FBXL16: variants seen among roughly 807,000 people sequenced by gnomAD.
FBXL16 encodes the protein F-box/LRR-repeat protein 16.
Under a neutral mutation model 36.7 loss-of-function variants are expected in FBXL16, and 7 were observed. The ratio of observed to expected loss-of-function variants is 0.19; its 90% CI spans 0.11 to 0.36. FBXL16 has a LOEUF of 0.36. Among genes scored for constraint, FBXL16 ranks in the 10% least tolerant of loss-of-function variants. The pLI is 1.00. For synonymous variants in FBXL16, 355 were observed against 308.7 expected (o/e 1.15, Z -1.57); for missense variants, 463 against 659.4 (o/e 0.70, Z 3.26).
chr16:698,858 G>A (rs1263677182), intron 1 of FBXL16, among the ~76,000 whole-genome samples: 6 of 134,188 alleles, frequency 4.5e-5, no homozygotes, highest in South Asian at 2.3e-4. Context: ...AGGTTGCAGC[G>A]AGCCGAGATC....
chr16:694,970 C>A, intron 4 of FBXL16, 22 bp downstream of exon 4: 1 of 1,522,818 alleles, frequency 6.6e-7, no homozygotes, highest in African/African-American at 1.4e-5. Flanking sequence ...ATCCCCCAAT[C>A]CCGGGGCGTG....
chr16:694,966 C>T (rs1463192003), intron 4 of FBXL16, 26 bp downstream of exon 4: 10 of 1,520,116 alleles, frequency 6.6e-6, no homozygotes, highest in South Asian at 1.3e-5. Context: ...GCCGATCCCC[C>T]AATCCCGGGG....
chr16:695,301 C>A (rs1244174318), intron 3 of FBXL16, 114 bp downstream of exon 3: 1 of 1,115,720 alleles, frequency 9.0e-7, no homozygotes, highest in Admixed American at 4.6e-5. Flanking sequence ...CGCCGCGCCA[C>A]AGCCCCAGCC....
chr16:702,517 T>C (rs868738020), intron 1 of FBXL16, among the ~76,000 whole-genome samples: 4 of 152,234 alleles, frequency 2.6e-5, no homozygotes, highest in Middle Eastern at 3.4e-3. Context: ...GCGGAATGAA[T>C]GAATTAGGGA....
rs779297882 is a variant in FBXL16, at chr16:696,928, G to A, written c.478C>T (p.Leu160=). ...AAGCCTCTGGCGGCAAAACCCTGCAGGTTCACGAACTCCTTCTCGCCACCA... is the reference window on the plus strand; with the variant it reads ...AAGCCTCTGGCGGCAAAACCCTGCAAGTTCACGAACTCCTTCTCGCCACCA... ...LPGGEKEFVN[L]QGFAARGFEG... is the part of the protein sequence containing the mutation. The change falls in exon 2 of 6, where the codon CTG becomes TTG. Residue 160 remains leucine (L), a synonymous_variant. Coordinates refer to ENST00000397621, the MANE Select transcript of FBXL16 (RefSeq NM_153350.4). 8 of 1,607,820 alleles carry A rather than the reference G, an allele frequency of 5.0e-6. No homozygotes were observed. In the African/African-American group the frequency reaches 1.1e-4, roughly 22 times the overall value.
At chr16:700,330 G>A (rs1176471342) in intron 1 of FBXL16, among the ~76,000 whole-genome samples, 3 of 152,278 alleles carry the variant, frequency 2.0e-5, no homozygotes, top group Middle Eastern at 3.4e-3. Flanking sequence ...CCTGGAAGGT[G>A]AGGCCGGGCC....
At chr16:702,784 C>A (rs7196356) in intron 1 of FBXL16, among the ~76,000 whole-genome samples, 4,577 of 152,256 alleles carry the variant, frequency 0.03, 197 homozygotes, top group African/African-American at 0.092. Context: ...CTGGGGTGGG[C>A]CTTGCAATAC....
chr16:698,994 G>A (rs2040037208), intron 1 of FBXL16, among the ~76,000 whole-genome samples: 1 of 151,924 alleles, frequency 6.6e-6, no homozygotes, highest in Admixed American at 6.6e-5. Flanking sequence ...TGCAAAGAAA[G>A]GGCGGGCATC....
rs2039988301 is a variant in FBXL16, at chr16:693,767, G to A, written c.*508C>T. ...TATGGTGCGGTGGAAGATGCAGGAA[G>A]CCCGTGGGGCTCTTCTGGGCCCGTG... On this transcript the variant is annotated 3_prime_UTR_variant, in exon 6 of 6. Transcript: ENST00000397621. 1 of 152,856 alleles carries A rather than the reference G, an allele frequency of 6.5e-6. No individual in the cohort carries two copies. Among genetic ancestry groups the A allele is most frequent in the Admixed American group, 6.5e-5 (1 of 15,286 alleles). 9.5% of individuals were successfully genotyped at this position (152,856 alleles called of 1,614,324 possible).
chr16:696,976 T>C lies in FBXL16; in HGVS notation c.430A>G (p.Lys144Glu). ...WAGLTPVLHA[K>E]ELYNVLPGGE... ...CCAGGCAGCACGTTGTAGAGCTCCT[T>C]GGCATGCAGCACCGGCGTGAGGCCT... Residue 144 changes from lysine (K) to glutamate (E), a missense_variant, in exon 2 of 6, where the codon AAG (lysine) becomes GAG (glutamate). Lys to Glu is a moderately conservative substitution (Grantham distance 56). Coordinates refer to ENST00000397621, the MANE Select transcript of FBXL16 (RefSeq NM_153350.4). 2 of 1,597,988 alleles carry C rather than the reference T, an allele frequency of 1.3e-6. No homozygotes were observed. Among genetic ancestry groups the C allele is most frequent in the Non-Finnish European group, 1.7e-6 (2 of 1,173,484 alleles).
chr16:701,343 C>T (rs1285401733), intron 1 of FBXL16, among the ~76,000 whole-genome samples: 1 of 152,192 alleles, frequency 6.6e-6, no homozygotes, highest in African/African-American at 2.4e-5. Flanking sequence ...GCTGCATCCC[C>T]GCACAGGCAG....
chr16:701,551 G>A (rs1037459225), intron 1 of FBXL16, among the ~76,000 whole-genome samples: 1 of 152,234 alleles, frequency 6.6e-6, no homozygotes. Context: ...TGCCCGTTCA[G>A]CGAGAAGTCC....
intron 1 of FBXL16, among the ~76,000 whole-genome samples, chr16:699,319 A>T (rs2040039262): frequency 6.6e-6 from 1 of 152,346 alleles, no homozygotes; most frequent in African/African-American, 2.4e-5. Flanking sequence ...GGCAGGGGGC[A>T]CTGGGCACAG....
At chr16:694,594 G>A (rs2039996071) in intron 5 of FBXL16, 40 bp downstream of exon 5, 1 of 1,582,858 alleles carries the variant, frequency 6.3e-7, no homozygotes, top group African/African-American at 1.3e-5. Flanking sequence ...GTGGGGGTGG[G>A]TGGTCACTGC....
At position 693,156 on chromosome 16, in the gene FBXL16, G is replaced by A. The variant is rs2039983565; in HGVS notation, c.*1119C>T. ...GCCCATTTGGGCAGACAGAAGTTTG[G>A]GAAGCTGGGGAGGGGTGAAGTGGGG... On this transcript the variant is annotated 3_prime_UTR_variant, in exon 6 of 6. Transcript: ENST00000397621. The A allele has an allele frequency of 6.6e-6, 1 of 151,914 alleles. No individual in the cohort carries two copies. The highest frequency in any genetic ancestry group is 2.4e-5 in the African/African-American group (1 of 41,308). 9.4% of individuals were successfully genotyped at this position (151,914 alleles called of 1,614,324 possible).
At chr16:695,393 G>C in intron 3 of FBXL16, 22 bp downstream of exon 3, 1 of 1,495,178 alleles carries the variant, frequency 6.7e-7, no homozygotes, top group Non-Finnish European at 8.9e-7. Context: ...AGCCCCGCCC[G>C]GCGCGGCCCG....
intron 2 of FBXL16, among the ~76,000 whole-genome samples, chr16:696,266 C>T (rs1475200933): frequency 6.6e-6 from 1 of 151,892 alleles, no homozygotes; most frequent in African/African-American, 2.4e-5. Flanking sequence ...TTCATTCAAT[C>T]ATTTTGAGAC....
intron 1 of FBXL16, among the ~76,000 whole-genome samples, chr16:704,887 C>A (rs1398560475): frequency 6.6e-6 from 1 of 152,236 alleles, no homozygotes; most frequent in Non-Finnish European, 1.5e-5. Flanking sequence ...GGGGAACGCT[C>A]TCCACCCACC....
At chr16:700,135 C>T (rs923967101) in intron 1 of FBXL16, among the ~76,000 whole-genome samples, 5 of 152,218 alleles carry the variant, frequency 3.3e-5, no homozygotes, top group Non-Finnish European at 7.3e-5. Flanking sequence ...ACAGGGCCAG[C>T]CTTGCCACCG....
Sources: allele counts gnomAD v4.1 joint callset (sites outside exome capture counted in the v4.1 genomes callset), GRCh38; gene constraint gnomAD v4.1.1; transcripts MANE v1.5; gene names NCBI Gene and HGNC (gene_info 2026-07-23, HGNC 2026-07-21).